Variants in MACROD2 observed in about 807,000 individuals in gnomAD.
MACROD2 encodes ADP-ribose glycohydrolase MACROD2.
MACROD2 carries 36 observed loss-of-function variants against 70.4 expected under a neutral mutation model. The ratio of observed to expected loss-of-function variants is 0.51; its 90% CI spans 0.39 to 0.68. The LOEUF is 0.68. Ranked by LOEUF, MACROD2 falls within the 30% of genes least tolerant of loss-of-function variation. MACROD2 has a pLI of 0.00. For missense variants in MACROD2, 496 were observed against 538.4 expected, an observed-to-expected ratio of 0.92 and a Z score of 0.78; for synonymous variants, 172 against 178.8, an observed-to-expected ratio of 0.96 and a Z score of 0.30.
chr20:15,835,094 T>G (rs2191519), intron 8 of MACROD2, among the ~76,000 whole-genome samples: 121,020 of 152,156 alleles, frequency 0.8, 48,623 homozygotes, highest in African/African-American at 0.89. Context: ...CTCCTGCCAA[T>G]AGCCAGCATC....
intron 8 of MACROD2, among the ~76,000 whole-genome samples, chr20:15,585,048 G>T (rs573623959): frequency 2.0e-5 from 3 of 152,160 alleles, no homozygotes; most frequent in African/African-American, 2.4e-5. Context: ...GGACTACACT[G>T]CTATGGTCCA....
chr20:15,837,248 T>C (rs1229508416), intron 8 of MACROD2, among the ~76,000 whole-genome samples: 1 of 152,226 alleles, frequency 6.6e-6, no homozygotes, highest in Non-Finnish European at 1.5e-5. Context: ...TTCAAAAGTA[T>C]AATATGCACT....
chr20:14,898,761 A>T (rs1443735305), intron 5 of MACROD2, among the ~76,000 whole-genome samples: 1 of 152,100 alleles, frequency 6.6e-6, no homozygotes, highest in Non-Finnish European at 1.5e-5. Context: ...TCAACGTTCT[A>T]AGCAGAAACC....
chr20:14,125,769 GA>G (rs200192338), intron 3 of MACROD2, among the ~76,000 whole-genome samples: 96 of 150,296 alleles, frequency 6.4e-4, no homozygotes, highest in Non-Finnish European at 2.4e-4. Flanking sequence ...TATGTCTTCA[GA>G]AAAAAAAATA....
intron 10 of MACROD2, among the ~76,000 whole-genome samples, chr20:15,925,926 T>C (rs2065482603): frequency 6.6e-6 from 1 of 152,194 alleles, no homozygotes; most frequent in South Asian, 2.1e-4. Context: ...CTTCTGTTAA[T>C]GGGGCATGGA....
At chr20:14,606,702 C>T (rs6042816) in intron 4 of MACROD2, among the ~76,000 whole-genome samples, 2,977 of 152,106 alleles carry the variant, frequency 0.02, 100 homozygotes, top group African/African-American at 0.068. Flanking sequence ...CCAGAAACTC[C>T]TAAGATTAAA....
At chr20:15,435,379 A>G (rs2046415171) in intron 7 of MACROD2, among the ~76,000 whole-genome samples, 1 of 152,134 alleles carries the variant, frequency 6.6e-6, no homozygotes, top group African/African-American at 2.4e-5. Flanking sequence ...TCCACACACA[A>G]TGTAATAATT....
At chr20:16,033,619 C>G (rs1249929954) in intron 15 of MACROD2, among the ~76,000 whole-genome samples, 2 of 152,010 alleles carry the variant, frequency 1.3e-5, no homozygotes, top group Non-Finnish European at 2.9e-5. Flanking sequence ...TTTCAATCCT[C>G]CAGTTTTATG....
At chr20:14,267,106 T>C (rs1236594574) in intron 3 of MACROD2, among the ~76,000 whole-genome samples, 1 of 152,132 alleles carries the variant, frequency 6.6e-6, no homozygotes, top group Non-Finnish European at 1.5e-5. Flanking sequence ...AGATTATCAC[T>C]AGAAAGGACA....
At chr20:15,654,566 A>G (rs1473339855) in intron 8 of MACROD2, among the ~76,000 whole-genome samples, 1 of 152,200 alleles carries the variant, frequency 6.6e-6, no homozygotes, top group East Asian at 1.9e-4. Flanking sequence ...TTTTGCCCAC[A>G]CCACATTTGA....
At chr20:14,645,913 A>G (rs1005413796) in intron 4 of MACROD2, among the ~76,000 whole-genome samples, 20 of 151,970 alleles carry the variant, frequency 1.3e-4, no homozygotes, top group African/African-American at 4.3e-4. Flanking sequence ...ATGGATTGTC[A>G]TAATTCCAGA....
chr20:15,171,094 G>A (rs1191574665), intron 5 of MACROD2, among the ~76,000 whole-genome samples: 1 of 152,118 alleles, frequency 6.6e-6, no homozygotes, highest in Non-Finnish European at 1.5e-5. Context: ...AATCCCCCTG[G>A]GGGACCTAGC....
intron 4 of MACROD2, chr20:14,631,980 T>C (rs550393985): frequency 5.5e-4 from 84 of 152,228 alleles, no homozygotes; most frequent in African/African-American, 2.0e-3. Flanking sequence ...TTTTAAAAAA[T>C]AAGTGTGGTA....
intron 8 of MACROD2, among the ~76,000 whole-genome samples, chr20:15,645,368 A>G (rs1010027397): frequency 6.6e-6 from 1 of 152,208 alleles, no homozygotes; most frequent in African/African-American, 2.4e-5. Flanking sequence ...ATGTTAATGC[A>G]TTCTGCCATA....
chr20:15,934,244 T>G (rs2065623703), intron 11 of MACROD2, among the ~76,000 whole-genome samples: 2 of 152,318 alleles, frequency 1.3e-5, no homozygotes, highest in African/African-American at 4.8e-5. Flanking sequence ...CTCTTGGAAT[T>G]AAACCAGGTA....
chr20:15,774,601 G>A (rs1237078968), intron 8 of MACROD2, among the ~76,000 whole-genome samples: 1 of 152,008 alleles, frequency 6.6e-6, no homozygotes, highest in African/African-American at 2.4e-5. Flanking sequence ...CTTCAGAGAG[G>A]TCTACCTAAC....
intron 8 of MACROD2, among the ~76,000 whole-genome samples, chr20:15,785,093 G>A (rs1440585223): frequency 8.6e-5 from 13 of 150,890 alleles, no homozygotes; most frequent in Admixed American, 2.0e-4. Context: ...CGGAGCTTGC[G>A]GTGAGCCGAG....
intron 3 of MACROD2, among the ~76,000 whole-genome samples, chr20:14,455,904 A>G (rs972082771): frequency 6.6e-6 from 1 of 151,772 alleles, no homozygotes; most frequent in Non-Finnish European, 1.5e-5. Context: ...TATTAAAAAA[A>G]TGGTCTTCAT....
intron 5 of MACROD2, among the ~76,000 whole-genome samples, chr20:14,996,460 G>A (rs917686709): frequency 1.3e-5 from 2 of 152,136 alleles, no homozygotes; most frequent in African/African-American, 4.8e-5. Context: ...GAACCCTCCA[G>A]CAATCATCTT....
Sources: gnomAD v4.1 joint callset for allele counts (sites outside exome capture counted in the v4.1 genomes callset) on GRCh38, gnomAD v4.1.1 for gene constraint, MANE v1.5 for transcripts, NCBI Gene and HGNC (gene_info 2026-07-23, HGNC 2026-07-21) for gene names.